The following E2F5 variants were observed in gnomAD, a reference collection of about 807,000 sequenced individuals.
E2F5 encodes transcription factor E2F5.
Under a neutral mutation model 39.1 loss-of-function variants are expected in E2F5, and 23 were observed. That is an observed-to-expected ratio of 0.59 (90% CI 0.42 to 0.83). E2F5 has a LOEUF of 0.83. Among genes scored for constraint, E2F5 ranks in the 40% least tolerant of loss-of-function variants. The pLI, the probability that E2F5 is intolerant of heterozygous loss-of-function variation, is 0.00. For synonymous variants in E2F5, 145 were observed against 157.8 expected, an observed-to-expected ratio of 0.92 and a Z score of 0.61; for missense variants, 365 against 406.7, an observed-to-expected ratio of 0.90 and a Z score of 0.88.
chr8:85,205,729 A>G (rs1346270243), intron 3 of E2F5, among the ~76,000 whole-genome samples: 1 of 152,212 alleles, frequency 6.6e-6, no homozygotes, highest in African/African-American at 2.4e-5. Context: ...ACTAGGACCT[A>G]TGAGTATAAT....
At chr8:85,207,707 T>C (rs1196899000) in intron 5 of E2F5, among the ~76,000 whole-genome samples, 2 of 148,318 alleles carry the variant, frequency 1.3e-5, no homozygotes, top group Non-Finnish European at 3.0e-5. Context: ...TTATTGGCTA[T>C]ATCCTTAGTC....
chr8:85,206,095 A>G lies in E2F5; in HGVS notation c.507-82A>G, dbSNP rs1465426185. On this transcript the variant is annotated intron_variant, in intron 3 of 7. Transcript: ENST00000416274. Reference sequence around the variant, plus strand: ...CCTCTGTGCATATGGTCATTTAGTTATTTTGACCTTCAGATGTATTACCTT... The same window carrying G: ...CCTCTGTGCATATGGTCATTTAGTTGTTTTGACCTTCAGATGTATTACCTT... The G allele has an allele frequency of 4.5e-6, 6 of 1,328,574 alleles. No homozygotes were observed. The African/African-American group carries it at 7.2e-5, about 16-fold the overall frequency. 82.3% of individuals were successfully genotyped at this position (1,328,574 alleles called of 1,614,324 possible). A position where few individuals can be genotyped will look rare whatever the true frequency, so the allele number is the denominator to read the frequency against.
At chr8:85,205,235 C>T (rs944031042) in intron 3 of E2F5, among the ~76,000 whole-genome samples, 69 of 151,718 alleles carry the variant, frequency 4.5e-4, no homozygotes, top group Admixed American at 3.0e-3. Flanking sequence ...GTTCTCCCCA[C>T]CCTGCTTTTT....
At chr8:85,203,703 T>A (rs1323688250) in intron 3 of E2F5, among the ~76,000 whole-genome samples, 2 of 151,550 alleles carry the variant, frequency 1.3e-5, no homozygotes, top group African/African-American at 4.8e-5. Context: ...CAATCCTTGA[T>A]ACTTTCTGCC....
chr8:85,193,168 T>A (rs2129678578), intron 1 of E2F5, among the ~76,000 whole-genome samples: 1 of 152,266 alleles, frequency 6.6e-6, no homozygotes, highest in Non-Finnish European at 1.5e-5. Flanking sequence ...TCAGTCAACT[T>A]TATATATATA....
intron 5 of E2F5, 50 bp from the exon 6 acceptor site, chr8:85,209,092 G>C: frequency 6.4e-7 from 1 of 1,571,330 alleles, no homozygotes; most frequent in Non-Finnish European, 8.7e-7. Context: ...TCTTAAGTTA[G>C]CTAGAAATGT....
chr8:85,186,503 G>A (rs1812336805), intron 1 of E2F5, among the ~76,000 whole-genome samples: 1 of 151,024 alleles, frequency 6.6e-6, no homozygotes, highest in Non-Finnish European at 1.5e-5. Flanking sequence ...CTTAAGGTGT[G>A]TGTATGTGTG....
chr8:85,180,744 A>T (rs1239062759), intron 1 of E2F5, among the ~76,000 whole-genome samples: 2 of 148,598 alleles, frequency 1.3e-5, no homozygotes, highest in African/African-American at 5.0e-5. Flanking sequence ...CGCCCGGCTA[A>T]TTTTTTTTGT....
At chr8:85,178,814 G>C (rs1011971266) in intron 1 of E2F5, among the ~76,000 whole-genome samples, 1 of 152,216 alleles carries the variant, frequency 6.6e-6, no homozygotes, top group Non-Finnish European at 1.5e-5. Flanking sequence ...TGTAGCCCAA[G>C]GGGAAGTAGA....
intron 3 of E2F5, 112 bp from the exon 4 acceptor site, chr8:85,206,065 C>A: frequency 1.0e-6 from 1 of 952,804 alleles, no homozygotes; most frequent in Non-Finnish European, 1.6e-6. Flanking sequence ...CCATGTGTGG[C>A]AGTCCCTCTG....
At chr8:85,206,926 C>A (rs1812812531) in intron 4 of E2F5, among the ~76,000 whole-genome samples, 1 of 152,108 alleles carries the variant, frequency 6.6e-6, no homozygotes, top group South Asian at 2.1e-4. Context: ...GACTATTGTT[C>A]TATTTTACCA....
intron 1 of E2F5, among the ~76,000 whole-genome samples, chr8:85,194,690 G>A (rs760762970): frequency 6.6e-6 from 1 of 150,670 alleles, no homozygotes; most frequent in South Asian, 2.1e-4. Flanking sequence ...GCCTGCCACC[G>A]CGCATGGCTA....
intron 6 of E2F5, among the ~76,000 whole-genome samples, chr8:85,209,679 T>G (rs1329503204): frequency 6.6e-6 from 1 of 152,238 alleles, no homozygotes; most frequent in East Asian, 1.9e-4. Context: ...GACTGTGGCT[T>G]GACTGCAGCC....
chr8:85,212,290 C>T (rs1407307527), intron 7 of E2F5, 86 bp downstream of exon 7: 1 of 1,011,678 alleles, frequency 9.9e-7, no homozygotes, highest in African/African-American at 1.6e-5. Flanking sequence ...AAGAAATGAA[C>T]ATATATTTGC....
chr8:85,190,177 C>G (rs1812430159), intron 1 of E2F5, among the ~76,000 whole-genome samples: 1 of 152,152 alleles, frequency 6.6e-6, no homozygotes, highest in Admixed American at 6.5e-5. Context: ...CATGCCCTCT[C>G]CTCCTGCCTC....
At chr8:85,183,416 A>G (rs968037320) in intron 1 of E2F5, among the ~76,000 whole-genome samples, 1 of 152,230 alleles carries the variant, frequency 6.6e-6, no homozygotes, top group African/African-American at 2.4e-5. Context: ...TACCCAAAGA[A>G]TTGAAAGCAG....
rs1364829391 is a variant in E2F5, at chr8:85,214,178, C to G, written c.*316C>G. The G allele has an allele frequency of 5.6e-6, 3 of 536,590 alleles. No individual in the cohort carries two copies. Among genetic ancestry groups the G allele is most frequent in the Non-Finnish European group, 1.1e-5 (3 of 280,758 alleles). 33.2% of individuals were successfully genotyped at this position (536,590 alleles called of 1,614,324 possible). On this transcript the variant is annotated 3_prime_UTR_variant, in exon 8 of 8. Transcript: ENST00000416274. ...TCTTAAGGAGGAAAGTTAAAGGACA[C>G]TACAGGTCATCAAAAACAAGTTGGC...
At position 85,202,013 on chromosome 8, in the gene E2F5, C is replaced by G. The variant is rs1812707317; in HGVS notation, c.235-134C>G. 5.9e-6 allele frequency: 4 copies of G among 683,488 alleles called. No individual in the cohort carries two copies. In the South Asian group the frequency reaches 7.0e-5, roughly 12 times the overall value. The allele number at this position is 683,488 out of a possible 1,614,324, so 42.3% of individuals were successfully genotyped here. ...GTTTGGGAGATGCTTTGAACATGCT[C>G]AGCTATTGTCCCCAAGCAACTGAGT... On this transcript the variant is annotated intron_variant, in intron 1 of 7. Coordinates refer to ENST00000416274, the MANE Select transcript of E2F5 (RefSeq NM_001951.4).
chr8:85,205,204 T>C (rs2129733800), intron 3 of E2F5, among the ~76,000 whole-genome samples: 1 of 151,008 alleles, frequency 6.6e-6, no homozygotes, highest in African/African-American at 2.4e-5. Context: ...AACAAAATTA[T>C]CCAGACTAGC....
Sources: gnomAD v4.1 joint callset for allele counts (sites outside exome capture counted in the v4.1 genomes callset) on GRCh38, gnomAD v4.1.1 for gene constraint, MANE v1.5 for transcripts, NCBI Gene and HGNC (gene_info 2026-07-23, HGNC 2026-07-21) for gene names.